ATG7: variants seen among roughly 807,000 people sequenced by gnomAD.
ATG7 encodes autophagy related 7, also known as ubiquitin-like modifier-activating enzyme ATG7.
Under a neutral mutation model 82.4 loss-of-function variants are expected in ATG7, and 70 were observed. The observed-to-expected ratio is 0.85, with a 90% confidence interval of 0.70 to 1.04. The LOEUF (loss-of-function observed/expected upper bound fraction) is 1.04. Among genes scored for constraint, ATG7 ranks in the 50% least tolerant of loss-of-function variants. The pLI is 0.00. For synonymous variants in ATG7, 287 were observed against 313.0 expected (o/e 0.92, Z 0.88); for missense variants, 792 against 864.3 (o/e 0.92, Z 1.05).
chr3:11,491,880 A>T (rs1313113047), intron 20 of ATG7, among the ~76,000 whole-genome samples: 1 of 152,056 alleles, frequency 6.6e-6, no homozygotes, highest in Non-Finnish European at 1.5e-5. Context: ...CAGGACAGGG[A>T]CATTTAAGTT....
chr3:11,403,605 C>T (rs932037428), intron 19 of ATG7, among the ~76,000 whole-genome samples: 1 of 152,058 alleles, frequency 6.6e-6, no homozygotes, highest in Non-Finnish European at 1.5e-5. Context: ...GAAAAATCTT[C>T]CTTTAAATGT....
At chr3:11,564,656 G>T in the ATG7 span, 4 of 831,146 alleles carry the variant, frequency 4.8e-6, no homozygotes, top group Non-Finnish European at 7.1e-6. Flanking sequence ...AGAGGCGAAG[G>T]GTGGCATCCC....
At chr3:11,350,979 T>A (rs1327468637) in intron 14 of ATG7, among the ~76,000 whole-genome samples, 1 of 147,796 alleles carries the variant, frequency 6.8e-6, no homozygotes, top group Non-Finnish European at 1.5e-5. Flanking sequence ...TGGAGAGTAT[T>A]ATGAACTCCC....
intron 19 of ATG7, among the ~76,000 whole-genome samples, chr3:11,423,960 A>G (rs1183920103): frequency 1.3e-5 from 2 of 152,140 alleles, no homozygotes; most frequent in African/African-American, 2.4e-5. Flanking sequence ...TAAATGTGCC[A>G]GTCAACCTCT....
At chr3:11,314,872 G>A (rs1001829453) in intron 8 of ATG7, among the ~76,000 whole-genome samples, 2 of 152,196 alleles carry the variant, frequency 1.3e-5, no homozygotes, top group African/African-American at 4.8e-5. Context: ...CCAGGAGGTC[G>A]AGGCTGCAGT....
chr3:11,474,953 C>T (rs1216268246), intron 20 of ATG7, among the ~76,000 whole-genome samples: 3 of 151,174 alleles, frequency 2.0e-5, no homozygotes, highest in African/African-American at 4.9e-5. Flanking sequence ...AGAGGGAGCA[C>T]GTGACACGGG....
At chr3:11,427,491 ATT>A (rs11414511) in intron 20 of ATG7, among the ~76,000 whole-genome samples, 3 of 143,758 alleles carry the variant, frequency 2.1e-5, no homozygotes, top group African/African-American at 2.6e-5. Flanking sequence ...TCATTGCATC[ATT>A]TTTTTTTTTT....
chr3:11,415,031 C>T (rs187958597), intron 19 of ATG7, among the ~76,000 whole-genome samples: 79 of 152,270 alleles, frequency 5.2e-4, no homozygotes, highest in African/African-American at 1.4e-3. Flanking sequence ...TTATACAAAC[C>T]GTGACAGCAT....
At chr3:11,351,113 T>G (rs144539439) in intron 14 of ATG7, among the ~76,000 whole-genome samples, 33 of 152,204 alleles carry the variant, frequency 2.2e-4, no homozygotes, top group African/African-American at 7.5e-4. Flanking sequence ...TTCCCACTGT[T>G]TATTTGTTTA....
chr3:11,539,504 G>A (rs2070643842), intron 20 of ATG7, among the ~76,000 whole-genome samples: 1 of 111,812 alleles, frequency 8.9e-6, no homozygotes, highest in Non-Finnish European at 1.9e-5. Flanking sequence ...TAAAATGGTT[G>A]GGAAATAAGA....
chr3:11,397,859 G>C (rs2079453860), intron 19 of ATG7, among the ~76,000 whole-genome samples: 1 of 150,458 alleles, frequency 6.6e-6, no homozygotes, highest in African/African-American at 2.4e-5. Flanking sequence ...GAGGTGGGCG[G>C]ATCACCTGAG....
chr3:11,481,045 C>CT (rs2088903812), intron 20 of ATG7, among the ~76,000 whole-genome samples: 1 of 152,236 alleles, frequency 6.6e-6, no homozygotes, highest in African/African-American at 2.4e-5. Context: ...AATGTACTCC[C>CT]TTTAATGTCT....
chr3:11,434,349 G>A (rs1033120311), intron 20 of ATG7, among the ~76,000 whole-genome samples: 6 of 152,180 alleles, frequency 3.9e-5, no homozygotes, highest in Admixed American at 6.5e-5. Flanking sequence ...GAGAGAAATC[G>A]CTCTGGGGAC....
intron 19 of ATG7, among the ~76,000 whole-genome samples, chr3:11,398,877 C>T (rs921041016): frequency 9.2e-5 from 14 of 151,694 alleles, no homozygotes; most frequent in African/African-American, 2.9e-4. Flanking sequence ...AAAACAGGCC[C>T]GAAATTAATG....
chr3:11,281,323 C>T (rs557591666), intron 2 of ATG7, among the ~76,000 whole-genome samples: 1 of 152,324 alleles, frequency 6.6e-6, no homozygotes, highest in Admixed American at 6.5e-5. Flanking sequence ...CAGTATATTA[C>T]AACATTTCTC....
intron 14 of ATG7, among the ~76,000 whole-genome samples, chr3:11,355,187 A>C (rs2075849688): frequency 6.6e-6 from 1 of 152,198 alleles, no homozygotes; most frequent in Admixed American, 6.5e-5. Context: ...CAGAATGGAG[A>C]TTCCAGAGTT....
intron 2 of ATG7, among the ~76,000 whole-genome samples, chr3:11,281,316 T>C (rs944554326): frequency 3.3e-5 from 5 of 152,212 alleles, no homozygotes; most frequent in African/African-American, 9.6e-5. Context: ...ATCTAATCAG[T>C]ATATTACAAC....
intron 20 of ATG7, among the ~76,000 whole-genome samples, chr3:11,469,607 T>C (rs1422852453): frequency 2.6e-5 from 4 of 152,148 alleles, no homozygotes; most frequent in Non-Finnish European, 5.9e-5. Context: ...GGGAGCTGCA[T>C]GTCCCAGCTC....
chr3:11,543,088 A>G (rs1349363876), intron 20 of ATG7, among the ~76,000 whole-genome samples: 2 of 152,096 alleles, frequency 1.3e-5, no homozygotes, highest in African/African-American at 2.4e-5. Flanking sequence ...GCGTCCTCCA[A>G]CCGACCCCAC....
Sources: allele counts gnomAD v4.1 joint callset (sites outside exome capture counted in the v4.1 genomes callset), GRCh38; gene constraint gnomAD v4.1.1; transcripts MANE v1.5; gene names NCBI Gene and HGNC (gene_info 2026-07-23, HGNC 2026-07-21).